BLMH: variants seen among roughly 807,000 people sequenced by gnomAD.
BLMH encodes the protein BLM hydrolase.
A neutral mutation model predicts 61.6 loss-of-function variants in BLMH; 32 were observed. The observed-to-expected ratio is 0.52, with a 90% CI of 0.39 to 0.70. The LOEUF is 0.70. Among genes scored for constraint, BLMH ranks in the 30% least tolerant of loss-of-function variants. BLMH has a pLI of 0.00. For synonymous variants in BLMH, 183 were observed against 193.8 expected, an observed-to-expected ratio of 0.94 and a Z score of 0.46; for missense variants, 460 against 555.5, an observed-to-expected ratio of 0.83 and a Z score of 1.73.
At chr17:30,254,719 A>C (rs575235310) in intron 11 of BLMH, among the ~76,000 whole-genome samples, 6 of 152,228 alleles carry the variant, frequency 3.9e-5, no homozygotes, top group African/African-American at 1.4e-4. Context: ...CTCATCATAA[A>C]AAGTCTTGGA....
chr17:30,280,755 G>A (rs994615926), intron 6 of BLMH, among the ~76,000 whole-genome samples: 13 of 152,164 alleles, frequency 8.5e-5, no homozygotes, highest in Admixed American at 1.3e-4. Flanking sequence ...TGGGATTATA[G>A]ACATTAGCCA....
intron 11 of BLMH, among the ~76,000 whole-genome samples, chr17:30,253,541 C>T (rs1347733078): frequency 6.6e-6 from 1 of 152,126 alleles, no homozygotes; most frequent in Non-Finnish European, 1.5e-5. Context: ...AGATTAGGAT[C>T]AGTGTGTCTG....
At chr17:30,273,932 G>A in intron 7 of BLMH, 110 bp downstream of exon 7, 1 of 1,323,026 alleles carries the variant, frequency 7.6e-7, no homozygotes, top group Non-Finnish European at 1.1e-6. Flanking sequence ...ATGTTTGTTT[G>A]CTGTCTAGTT....
At chr17:30,274,693 AGAG>A (rs1908369585) in intron 6 of BLMH, among the ~76,000 whole-genome samples, 1 of 152,152 alleles carries the variant, frequency 6.6e-6, no homozygotes, top group Non-Finnish European at 1.5e-5. Context: ...TATTACTAGA[AGAG>A]GAGGGCCAGG....
chr17:30,256,620 G>A (rs925740419), intron 11 of BLMH, among the ~76,000 whole-genome samples: 7 of 151,864 alleles, frequency 4.6e-5, no homozygotes, highest in Admixed American at 2.0e-4. Flanking sequence ...GTAAGCCATC[G>A]TGCCCGGCCC....
In BLMH at chr17:30,249,133, A is replaced by T; in HGVS notation, c.1252T>A (p.Tyr418Asn). Residue 418 changes from tyrosine to asparagine, a missense_variant, in exon 12 of 12, where the codon TAT (tyrosine) becomes AAT (asparagine). Physicochemically the swap from Tyr to Asn is moderately radical, Grantham distance 143. Around this residue, in one of 5 missense-constraint regions of BLMH, gnomAD observed 310 missense variants for 371.1 expected, o/e 0.84. Coordinates refer to ENST00000261714, the MANE Select transcript of BLMH (RefSeq NM_000386.4). ...LCMTDEWFSE[Y>N]VYEVVVDRKH... The stretch of plus-strand genomic sequence containing the variant: ...CTGTCCACCACCACTTCGTAGACAT[A>T]CTCAGAGAACCACTCATCTGTCATG... 1 of 1,614,092 alleles carries T rather than the reference A, an allele frequency of 6.2e-7. No individual in the cohort carries two copies. The highest frequency in any genetic ancestry group is 8.5e-7 in the Non-Finnish European group (1 of 1,179,950).
intron 6 of BLMH, among the ~76,000 whole-genome samples, chr17:30,282,733 AT>A (rs1477628617): frequency 6.6e-6 from 1 of 152,232 alleles, no homozygotes; most frequent in African/African-American, 2.4e-5. Flanking sequence ...TTAAGCCATC[AT>A]TTTGACTTGC....
chr17:30,252,921 T>C (rs1053550344), intron 11 of BLMH, among the ~76,000 whole-genome samples: 6 of 152,182 alleles, frequency 3.9e-5, no homozygotes, highest in South Asian at 2.1e-4. Context: ...CACCAGGTTC[T>C]AGCAACAAAA....
At chr17:30,271,813 TG>T (rs1460282115) in intron 9 of BLMH, among the ~76,000 whole-genome samples, 1 of 152,150 alleles carries the variant, frequency 6.6e-6, no homozygotes, top group African/African-American at 2.4e-5. Flanking sequence ...TCCAAAATAT[TG>T]GGGAATATTT....
chr17:30,287,613 T>A (rs1908767858), intron 4 of BLMH, among the ~76,000 whole-genome samples, 193 bp downstream of exon 4: 1 of 152,202 alleles, frequency 6.6e-6, no homozygotes, highest in Admixed American at 6.5e-5. Flanking sequence ...TCACAGTAGC[T>A]CTCTCCTTAA....
chr17:30,258,812 C>T (rs562891545), intron 11 of BLMH, among the ~76,000 whole-genome samples: 2 of 152,316 alleles, frequency 1.3e-5, no homozygotes, highest in East Asian at 1.9e-4. Context: ...CCCAAACTAT[C>T]GCTACTCCTA....
chr17:30,283,872 C>G (rs1004615993), intron 6 of BLMH, among the ~76,000 whole-genome samples: 7 of 152,120 alleles, frequency 4.6e-5, no homozygotes, highest in Admixed American at 1.3e-4. Flanking sequence ...GCAGATATAG[C>G]CTCTGCAAGA....
At chr17:30,270,746 A>T (rs1417266452) in intron 10 of BLMH, among the ~76,000 whole-genome samples, 3 of 152,222 alleles carry the variant, frequency 2.0e-5, no homozygotes, top group Non-Finnish European at 4.4e-5. Flanking sequence ...TAACCTATAA[A>T]AAGTGGTATT....
intron 5 of BLMH, among the ~76,000 whole-genome samples, chr17:30,285,905 G>A (rs1252294841): frequency 6.6e-6 from 1 of 151,884 alleles, no homozygotes; most frequent in Non-Finnish European, 1.5e-5. Context: ...CTATGACTAT[G>A]GTTATGCCAG....
rs763537830 is a variant in BLMH at position 30,274,112 on chromosome 17, T to G, written c.731A>C (p.Lys244Thr). The change falls in exon 7 of 12, where the codon AAA becomes ACA. Residue 244 changes from lysine to threonine, a missense_variant. This residue lies in a region of BLMH where 310 missense variants were observed against 371.1 expected (regional missense o/e 0.84). Transcript: ENST00000261714. ...EYRDKDKNYQKIGPITPLEFY... is the reference protein window; with the variant it reads ...EYRDKDKNYQTIGPITPLEFY... ...CTCCAAGGGTGTTATGGGGCCAATTTTCTGATAATTTTTATCTTTGTCTCG... is the reference window on the plus strand; with the variant it reads ...CTCCAAGGGTGTTATGGGGCCAATTGTCTGATAATTTTTATCTTTGTCTCG... 6.2e-7 allele frequency: 1 copy of G among 1,614,198 alleles called. No homozygotes were observed. The highest frequency in any genetic ancestry group is 2.2e-5 in the East Asian group (1 of 44,886).
At position 30,285,422 on chromosome 17, in the gene BLMH, TCTC is replaced by T; in HGVS notation, c.608_610del (p.Gly203del). Reference sequence around the variant, plus strand: ...CATGACGTCCTGTGTGGCCGAGATTTCTCCTTTGGTTGCTCCACTGTGTACCAG... The same window carrying T: ...CATGACGTCCTGTGTGGCCGAGATTTCTTTGGTTGCTCCACTGTGTACCAG... On this transcript the variant is annotated inframe_deletion, in exon 6 of 12. Transcript: ENST00000261714. 1 of 1,612,448 alleles carries T rather than the reference TCTC, an allele frequency of 6.2e-7. No individual in the cohort carries two copies. Among genetic ancestry groups the T allele is most frequent in the Non-Finnish European group, 8.5e-7 (1 of 1,179,210 alleles).
intron 6 of BLMH, among the ~76,000 whole-genome samples, 179 bp from the exon 7 acceptor site, chr17:30,274,376 A>T (rs958572482): frequency 6.6e-6 from 1 of 152,244 alleles, no homozygotes; most frequent in Non-Finnish European, 1.5e-5. Flanking sequence ...GAGATTTGTT[A>T]TCAGTCAACT....
intron 2 of BLMH, among the ~76,000 whole-genome samples, chr17:30,290,804 C>G (rs988983812): frequency 5.3e-5 from 8 of 152,204 alleles, no homozygotes; most frequent in African/African-American, 1.9e-4. Flanking sequence ...GTATTACAAA[C>G]TGATCTACTG....
chr17:30,282,218 G>GT (rs1908609574), intron 6 of BLMH, among the ~76,000 whole-genome samples: 1 of 145,600 alleles, frequency 6.9e-6, no homozygotes, highest in African/African-American at 2.7e-5. Context: ...TAACAGACAA[G>GT]GTTTTTTTTT....
Sources: allele counts gnomAD v4.1 joint callset (sites outside exome capture counted in the v4.1 genomes callset), GRCh38; gene constraint gnomAD v4.1.1; regional missense constraint gnomAD v4.1.1; transcripts MANE v1.5; gene names NCBI Gene and HGNC (gene_info 2026-07-23, HGNC 2026-07-21).